The following TRAF3IP1 variants were observed in gnomAD, a reference collection of about 807,000 sequenced individuals.
The protein encoded by TRAF3IP1 is intraflagellar transport 54, also known as TRAF3-interacting protein 1.
Under a neutral mutation model 89.9 loss-of-function variants are expected in TRAF3IP1, and 53 were observed. The ratio of observed to expected loss-of-function variants is 0.59; its 90% CI spans 0.47 to 0.74. The LOEUF (loss-of-function observed/expected upper bound fraction) is 0.74. Among genes scored for constraint, TRAF3IP1 ranks in the 30% least tolerant of loss-of-function variants. TRAF3IP1 has a pLI of 0.00. For synonymous variants in TRAF3IP1, 311 were observed against 322.1 expected (o/e 0.97, Z 0.37); for missense variants, 806 against 866.1 (o/e 0.93, Z 0.87).
At chr2:238,371,131 G>A (rs1284706429) in intron 15 of TRAF3IP1, among the ~76,000 whole-genome samples, 1 of 152,222 alleles carries the variant, frequency 6.6e-6, no homozygotes, top group East Asian at 1.9e-4. Flanking sequence ...GACATTGAAA[G>A]TCTGTTTTTT....
intron 15 of TRAF3IP1, among the ~76,000 whole-genome samples, chr2:238,360,013 G>A (rs1405170107): frequency 6.6e-6 from 1 of 152,174 alleles, no homozygotes; most frequent in Non-Finnish European, 1.5e-5. Context: ...TACTGCCACA[G>A]TCTAGACTAT....
rs542394985 is a variant in TRAF3IP1 at position 238,327,178 on chromosome 2, C to T, written c.354+1208C>T. Among the ~76,000 whole-genome samples the T allele has an allele frequency of 1.1e-4, 16 of 152,338 alleles. No individual in the cohort carries two copies. In the South Asian group the frequency reaches 2.7e-3, roughly 26 times the overall value. Reference sequence around the variant, plus strand: ...CATTCGGCCCTGGCCGGCTGTCTCCCGTCGGCCTCTTGCCCTGGTGCCTGC... The same window carrying T: ...CATTCGGCCCTGGCCGGCTGTCTCCTGTCGGCCTCTTGCCCTGGTGCCTGC... On this transcript the variant is annotated intron_variant, in intron 3 of 16. Coordinates refer to ENST00000373327, the MANE Select transcript of TRAF3IP1 (RefSeq NM_015650.4).
At chr2:238,377,230 C>CTTT (rs71402784) in intron 15 of TRAF3IP1, among the ~76,000 whole-genome samples, 1,843 of 86,580 alleles carry the variant, frequency 0.021, 47 homozygotes, top group African/African-American at 0.024. Flanking sequence ...TCCTGATTTT[C>CTTT]TTTTTTTTTT....
chr2:238,332,142 C>T (rs1426560234), intron 5 of TRAF3IP1, among the ~76,000 whole-genome samples: 1 of 152,212 alleles, frequency 6.6e-6, no homozygotes, highest in African/African-American at 2.4e-5. Flanking sequence ...CTGATACCTT[C>T]ATAATTAACT....
At chr2:238,358,750 A>G (rs1357133002) in intron 15 of TRAF3IP1, among the ~76,000 whole-genome samples, 2 of 152,096 alleles carry the variant, frequency 1.3e-5, no homozygotes, top group African/African-American at 4.8e-5. Flanking sequence ...ATACATGTAG[A>G]TGTAGTTTAT....
intron 3 of TRAF3IP1, among the ~76,000 whole-genome samples, chr2:238,327,017 C>G (rs537721540): frequency 7.9e-5 from 12 of 152,350 alleles, no homozygotes; most frequent in African/African-American, 2.9e-4. Flanking sequence ...CTCCGGCTTC[C>G]AGTAGCCTCG....
At chr2:238,326,673 A>G (rs1697850566) in intron 3 of TRAF3IP1, among the ~76,000 whole-genome samples, 1 of 152,058 alleles carries the variant, frequency 6.6e-6, no homozygotes, top group Admixed American at 6.5e-5. Context: ...GTGGAGGAGC[A>G]GGTTGGACTT....
At chr2:238,380,859 G>A (rs1223702477) in intron 15 of TRAF3IP1, among the ~76,000 whole-genome samples, 1 of 152,230 alleles carries the variant, frequency 6.6e-6, no homozygotes, top group Non-Finnish European at 1.5e-5. Flanking sequence ...ATGAAGGTGT[G>A]TGAGTCAATG....
intron 8 of TRAF3IP1, among the ~76,000 whole-genome samples, chr2:238,340,812 C>CGTGTGTGTGT (rs71414327): frequency 1.5e-4 from 22 of 149,412 alleles, no homozygotes; most frequent in East Asian, 5.9e-4. Flanking sequence ...TACAGTTATG[C>CGTGTGTGTGT]GTGTGTGTGT....
At chr2:238,337,768 C>T (rs1031167371) in intron 7 of TRAF3IP1, among the ~76,000 whole-genome samples, 7 of 152,166 alleles carry the variant, frequency 4.6e-5, no homozygotes, top group East Asian at 3.9e-4. Context: ...TTGACATAGA[C>T]GGTTCTGGGA....
intron 15 of TRAF3IP1, among the ~76,000 whole-genome samples, chr2:238,384,591 G>A (rs1009640973): frequency 6.8e-6 from 1 of 146,838 alleles, no homozygotes; most frequent in African/African-American, 2.5e-5. Context: ...TACCATGTTG[G>A]CCAGGCTGGT....
In TRAF3IP1 at chr2:238,333,719, A is replaced by G. The variant is rs113018008; in HGVS notation, c.988-241A>G. On this transcript the variant is annotated intron_variant, in intron 6 of 16. Transcript: ENST00000373327. ...TCAAAGTGTGGGGAGCAGATTGTTG[A>G]CCTTTTTAGGGCTGTACAGAATGAT... is the stretch of plus-strand genomic sequence containing the variant. 2.0e-3 allele frequency among the ~76,000 whole-genome samples: 308 copies of G among 152,258 alleles called. 3 individuals carry two copies. Among genetic ancestry groups the G allele is most frequent in the African/African-American group, 7.2e-3 (298 of 41,544 alleles).
Position 238,325,812 on chromosome 2 carries a change from A to G in TRAF3IP1, c.196A>G (p.Lys66Glu), listed in dbSNP as rs2106359215. 6.2e-7 allele frequency: 1 copy of G among 1,611,430 alleles called. No homozygotes were observed. The highest frequency in any genetic ancestry group is 2.2e-5 in the East Asian group (1 of 44,862). ...ATTTTCAATGGAAATGTTTCAGGAT[A>G]AAGATGCAAAAATTAGCTTCCTACA... is the stretch of plus-strand genomic sequence containing the variant. ...AEMKSDNVKDKDAKISFLQKA... is the reference protein window; with the variant it reads ...AEMKSDNVKDEDAKISFLQKA... The change falls in exon 3 of 17, where the codon AAA becomes GAA. Residue 66 changes from lysine (K) to glutamate (E), a missense_variant. Coordinates refer to ENST00000373327, the MANE Select transcript of TRAF3IP1 (RefSeq NM_015650.4).
At chr2:238,326,473 C>A (rs760605304) in intron 3 of TRAF3IP1, among the ~76,000 whole-genome samples, 10 of 152,144 alleles carry the variant, frequency 6.6e-5, no homozygotes, top group Non-Finnish European at 1.2e-4. Flanking sequence ...TTTTCTCTCT[C>A]TCTCGGTTGC....
chr2:238,356,219 AG>A, intron 15 of TRAF3IP1, 139 bp downstream of exon 15: 1 of 781,952 alleles, frequency 1.3e-6, no homozygotes, highest in Non-Finnish European at 2.1e-6. Flanking sequence ...ATTCCTGGCC[AG>A]GCATGGTGGC....
At chr2:238,337,527 A>G (rs1486752791) in intron 7 of TRAF3IP1, among the ~76,000 whole-genome samples, 1 of 152,238 alleles carries the variant, frequency 6.6e-6, no homozygotes, top group Non-Finnish European at 1.5e-5. Flanking sequence ...CTTAGGTTGT[A>G]GAAGGCCTCC....
rs151057476 is a variant in TRAF3IP1, at chr2:238,344,910, C to T, written c.1261+312C>T. ...GGGGTCACTACTTGGAGAGCCCCAC[C>T]AGTCAAGAGGTGTACCCCCCAGACT... On this transcript the variant is annotated intron_variant, in intron 9 of 16. Coordinates refer to ENST00000373327, the MANE Select transcript of TRAF3IP1 (RefSeq NM_015650.4). Among the ~76,000 whole-genome samples, 442 of 152,284 alleles carry T rather than the reference C, an allele frequency of 2.9e-3. 2 individuals carry two copies. Among genetic ancestry groups the T allele is most frequent in the African/African-American group, 0.01 (419 of 41,548 alleles).
At chr2:238,363,704 G>A (rs1408077035) in intron 15 of TRAF3IP1, among the ~76,000 whole-genome samples, 1 of 152,174 alleles carries the variant, frequency 6.6e-6, no homozygotes, top group Non-Finnish European at 1.5e-5. Context: ...GCTCACACCT[G>A]TAATCCCAGC....
chr2:238,330,510 G>A (rs1335004961), intron 5 of TRAF3IP1, among the ~76,000 whole-genome samples: 1 of 152,242 alleles, frequency 6.6e-6, no homozygotes, highest in African/African-American at 2.4e-5. Context: ...GGTCGGGAAG[G>A]GATCCAGATC....
Sources: gnomAD v4.1 joint callset for allele counts (sites outside exome capture counted in the v4.1 genomes callset) on GRCh38, gnomAD v4.1.1 for gene constraint, MANE v1.5 for transcripts, NCBI Gene and HGNC (gene_info 2026-07-23, HGNC 2026-07-21) for gene names.